The following FCHSD2 variants were observed in gnomAD, a reference collection of about 807,000 sequenced individuals.
FCHSD2 encodes the protein F-BAR and double SH3 domains protein 2.
A neutral mutation model predicts 108.1 loss-of-function variants in FCHSD2; 38 were observed. The observed-to-expected ratio is 0.35, with a 90% CI of 0.27 to 0.46. FCHSD2 has a LOEUF of 0.46. FCHSD2 is among the 20% of genes least tolerant of loss of function. The pLI is 1.00. For synonymous variants in FCHSD2, 279 were observed against 314.7 expected, an observed-to-expected ratio of 0.89 and a Z score of 1.20; for missense variants, 751 against 897.8, an observed-to-expected ratio of 0.84 and a Z score of 2.09.
chr11:73,043,545 T>G (rs1232083390), intron 3 of FCHSD2, among the ~76,000 whole-genome samples: 1 of 152,206 alleles, frequency 6.6e-6, no homozygotes, highest in African/African-American at 2.4e-5. Flanking sequence ...GTACACAGTA[T>G]AGATAAAATA....
intron 3 of FCHSD2, among the ~76,000 whole-genome samples, chr11:73,019,500 T>G (rs1444974531): frequency 1.3e-5 from 2 of 152,182 alleles, no homozygotes; most frequent in African/African-American, 4.8e-5. Context: ...CATTATAAAT[T>G]ACAATAGCAA....
At chr11:72,956,707 C>T (rs1047196011) in intron 8 of FCHSD2, among the ~76,000 whole-genome samples, 5 of 151,960 alleles carry the variant, frequency 3.3e-5, no homozygotes, top group Middle Eastern at 3.2e-3. Context: ...ATGACTTAAT[C>T]AAAGACCCCA....
At chr11:72,857,291 C>A (rs1861450385) in intron 13 of FCHSD2, among the ~76,000 whole-genome samples, 1 of 152,228 alleles carries the variant, frequency 6.6e-6, no homozygotes, top group Non-Finnish European at 1.5e-5. Flanking sequence ...CTTGACCCAG[C>A]ATTTCTAAAA....
intron 9 of FCHSD2, among the ~76,000 whole-genome samples, chr11:72,907,138 C>G (rs1855646410): frequency 6.6e-6 from 1 of 151,944 alleles, no homozygotes; most frequent in Non-Finnish European, 1.5e-5. Context: ...CATTATTTGG[C>G]TCTCTATTAC....
chr11:72,916,990 T>A, intron 9 of FCHSD2, among the ~76,000 whole-genome samples: 1 of 32,804 alleles, frequency 3.0e-5, no homozygotes, highest in South Asian at 8.6e-4. Context: ...TTTTTTTTTT[T>A]TTTTTTTTTT....
At position 72,989,033 on chromosome 11, in the gene FCHSD2, C is replaced by T. The variant is rs1211625843; in HGVS notation, c.452G>A (p.Gly151Asp). The T allele has an allele frequency of 4.3e-6, 7 of 1,610,804 alleles. No homozygotes were observed. The African/African-American group carries it at 6.7e-5, about 15-fold the overall frequency. Residue 151 changes from glycine to aspartate, a missense_variant, in exon 6 of 20, where the codon GGC (glycine) becomes GAC (aspartate). Transcript: ENST00000409418. The part of the protein sequence containing the change: ...LQETVKDLAK[G>D]KKKYFETEQM... ...TTCAGTCTCAAAGTATTTCTTTTTGCCTTTAGCTAAATCTTTCACTGTCTC... is the reference window on the plus strand; with the variant it reads ...TTCAGTCTCAAAGTATTTCTTTTTGTCTTTAGCTAAATCTTTCACTGTCTC...
intron 2 of FCHSD2, among the ~76,000 whole-genome samples, chr11:73,107,906 C>T (rs1860382981): frequency 6.6e-6 from 1 of 152,170 alleles, no homozygotes; most frequent in African/African-American, 2.4e-5. Flanking sequence ...CTGCAATCGA[C>T]ATGGGTATCT....
chr11:73,009,133 T>C (rs757746805), intron 4 of FCHSD2, among the ~76,000 whole-genome samples: 5 of 151,766 alleles, frequency 3.3e-5, no homozygotes, highest in Non-Finnish European at 5.9e-5. Flanking sequence ...TATCATCAGA[T>C]AGGCAAACAA....
At chr11:73,112,656 T>C (rs370908059) in intron 2 of FCHSD2, among the ~76,000 whole-genome samples, 2 of 152,152 alleles carry the variant, frequency 1.3e-5, no homozygotes, top group African/African-American at 4.8e-5. Context: ...GGTGGTGGTG[T>C]TGGTGTTGTT....
At chr11:72,883,931 C>CA (rs34998210) in intron 12 of FCHSD2, among the ~76,000 whole-genome samples, 3,235 of 74,040 alleles carry the variant, frequency 0.044, 48 homozygotes, top group Non-Finnish European at 0.062. Context: ...GACCGTGTCT[C>CA]AAAAAAAAAA....
chr11:72,932,393 T>C (rs1351814663), intron 8 of FCHSD2, among the ~76,000 whole-genome samples: 3 of 152,198 alleles, frequency 2.0e-5, no homozygotes, highest in African/African-American at 7.2e-5. Context: ...TCATCACATT[T>C]AGGAAAAGGC....
chr11:73,139,259 G>C (rs918107261), intron 2 of FCHSD2, among the ~76,000 whole-genome samples: 2 of 152,154 alleles, frequency 1.3e-5, no homozygotes, highest in Admixed American at 6.5e-5. Flanking sequence ...TAACTGATGA[G>C]GCTTACAGAC....
At chr11:72,867,169 G>A (rs1196298473) in intron 13 of FCHSD2, among the ~76,000 whole-genome samples, 2 of 152,168 alleles carry the variant, frequency 1.3e-5, no homozygotes, top group African/African-American at 4.8e-5. Context: ...TGGGTGGGGA[G>A]GTGACAGTAG....
At chr11:72,870,455 C>T (rs1854829486) in intron 12 of FCHSD2, among the ~76,000 whole-genome samples, 1 of 151,742 alleles carries the variant, frequency 6.6e-6, no homozygotes, top group Non-Finnish European at 1.5e-5. Flanking sequence ...TAGGCTCTAC[C>T]AATTCTTTCA....
At chr11:73,094,076 T>C (rs767246110) in intron 2 of FCHSD2, among the ~76,000 whole-genome samples, 1 of 152,030 alleles carries the variant, frequency 6.6e-6, no homozygotes, top group Non-Finnish European at 1.5e-5. Flanking sequence ...CCAGGTGTGG[T>C]GGCGCACATC....
intron 12 of FCHSD2, among the ~76,000 whole-genome samples, chr11:72,887,202 C>T (rs1855216146): frequency 6.6e-6 from 1 of 151,212 alleles, no homozygotes; most frequent in African/African-American, 2.4e-5. Flanking sequence ...TATTATGTAC[C>T]TTTTAGAAAC....
chr11:73,039,422 G>A (rs1336374618), intron 3 of FCHSD2, among the ~76,000 whole-genome samples: 3 of 151,968 alleles, frequency 2.0e-5, no homozygotes, highest in African/African-American at 7.3e-5. Context: ...AGAGGCAGAG[G>A]TGAGAGACTC....
At chr11:72,944,801 C>T (rs1304824146) in intron 8 of FCHSD2, among the ~76,000 whole-genome samples, 14 of 152,062 alleles carry the variant, frequency 9.2e-5, no homozygotes, top group African/African-American at 3.4e-4. Flanking sequence ...CCATTCACGA[C>T]TGCCTCAAAG....
At chr11:73,044,969 C>A (rs1283316518) in intron 3 of FCHSD2, among the ~76,000 whole-genome samples, 4 of 151,590 alleles carry the variant, frequency 2.6e-5, no homozygotes, top group African/African-American at 9.7e-5. Context: ...ACTCAGCAGG[C>A]TGAGGCAAGA....
Sources: gnomAD v4.1 joint callset for allele counts (sites outside exome capture counted in the v4.1 genomes callset) on GRCh38, gnomAD v4.1.1 for gene constraint, MANE v1.5 for transcripts, NCBI Gene and HGNC (gene_info 2026-07-23, HGNC 2026-07-21) for gene names.